Variants in SLC17A1 observed in about 807,000 individuals in gnomAD.
The protein encoded by SLC17A1 is sodium-dependent phosphate transport protein 1.
A neutral mutation model predicts 53.5 loss-of-function variants in SLC17A1; 51 were observed. That is an observed-to-expected ratio of 0.95 (90% confidence interval 0.76 to 1.20). The LOEUF (loss-of-function observed/expected upper bound fraction) is 1.20, where lower values mean the gene tolerates loss of function less well. Among genes scored for constraint, SLC17A1 ranks in the 50% most tolerant of loss-of-function variants. SLC17A1 has a pLI of 0.00. For synonymous variants in SLC17A1, 179 were observed against 198.8 expected, an observed-to-expected ratio of 0.90 and a Z score of 0.84; for missense variants, 538 against 568.2, an observed-to-expected ratio of 0.95 and a Z score of 0.54.
At chr6:25,798,406 AT>A (rs1245444644) in intron 12 of SLC17A1, among the ~76,000 whole-genome samples, 2 of 152,196 alleles carry the variant, frequency 1.3e-5, no homozygotes, top group Non-Finnish European at 2.9e-5. Context: ...CTTAGACCTT[AT>A]ATAATGTAAT....
chr6:25,761,119 G>C, the SLC17A1 span, among the ~76,000 whole-genome samples: 1 of 152,130 alleles, frequency 6.6e-6, no homozygotes, highest in African/African-American at 2.4e-5. Context: ...TGAGTTCTCA[G>C]ACAATGAAGA....
chr6:25,774,447 T>C, the SLC17A1 span, among the ~76,000 whole-genome samples: 1 of 152,182 alleles, frequency 6.6e-6, no homozygotes, highest in African/African-American at 2.4e-5. Flanking sequence ...ATGTGCTAAG[T>C]AGCCAACAGA....
At chr6:25,767,410 C>T in the SLC17A1 span, among the ~76,000 whole-genome samples, 1 of 152,028 alleles carries the variant, frequency 6.6e-6, no homozygotes, top group Non-Finnish European at 1.5e-5. Context: ...CAGTTGTTAT[C>T]ACAGTGCCTT....
At chr6:25,781,423 G>A (rs1283824962), downstream of SLC17A1, among the ~76,000 whole-genome samples, 1 of 152,186 alleles carries the variant, frequency 6.6e-6, no homozygotes, top group African/African-American at 2.4e-5. Context: ...GATGAGAAGT[G>A]AGCAGAAAGT....
the SLC17A1 span, among the ~76,000 whole-genome samples, chr6:25,766,703 GA>G: frequency 6.6e-6 from 1 of 152,246 alleles, no homozygotes; most frequent in Non-Finnish European, 1.5e-5. Flanking sequence ...CTAATCATGA[GA>G]AAAATATCAG....
At chr6:25,778,994 C>T, downstream of SLC17A1, 2 of 1,595,822 alleles carry the variant, frequency 1.3e-6, no homozygotes, top group Non-Finnish European at 1.7e-6. Context: ...CAAAGCCTTT[C>T]TGAACCAAGA....
the SLC17A1 span, among the ~76,000 whole-genome samples, chr6:25,761,081 A>G: frequency 6.6e-6 from 1 of 152,126 alleles, no homozygotes; most frequent in African/African-American, 2.4e-5. Context: ...ACTGGGCTTG[A>G]TTCTTTGGTC....
At chr6:25,745,365 T>C in the SLC17A1 span, among the ~76,000 whole-genome samples, 2 of 152,190 alleles carry the variant, frequency 1.3e-5, no homozygotes, top group African/African-American at 2.4e-5. Context: ...TTTGTGTATG[T>C]ATATGTACGT....
intron 3 of SLC17A1, among the ~76,000 whole-genome samples, chr6:25,821,880 T>G (rs1266802720): frequency 6.6e-6 from 1 of 151,994 alleles, no homozygotes; most frequent in Non-Finnish European, 1.5e-5. Flanking sequence ...TATAAATGAA[T>G]AAGAAATATA....
At chr6:25,806,348 T>C (rs9461215) in intron 10 of SLC17A1, among the ~76,000 whole-genome samples, 42,281 of 151,918 alleles carry the variant, frequency 0.28, 6,377 homozygotes, top group African/African-American at 0.4. Context: ...ATAAATATCC[T>C]TAACAAATTA....
chr6:25,815,606 G>A (rs1764323547), intron 6 of SLC17A1, among the ~76,000 whole-genome samples: 1 of 151,884 alleles, frequency 6.6e-6, no homozygotes, highest in African/African-American at 2.4e-5. Context: ...TTCGCTATAG[G>A]AAAAATTCTC....
At chr6:25,726,462 C>T in the SLC17A1 span, 35 of 1,613,948 alleles carry the variant, frequency 2.2e-5, no homozygotes, top group Admixed American at 3.2e-4. Flanking sequence ...ACTGCAAACC[C>T]GCTCTAGAAG....
the SLC17A1 span, among the ~76,000 whole-genome samples, chr6:25,740,447 A>G: frequency 6.6e-6 from 1 of 152,182 alleles, no homozygotes; most frequent in African/African-American, 2.4e-5. Context: ...TATTTGTTGT[A>G]TTACAACAGT....
At chr6:25,778,112 T>A, downstream of SLC17A1, 2 of 818,898 alleles carry the variant, frequency 2.4e-6, no homozygotes. Context: ...AAGATGCTTT[T>A]AAAGTAGTCA....
chr6:25,819,597 C>T lies in SLC17A1; in HGVS notation c.443G>A (p.Gly148Glu). 1.2e-6 allele frequency: 2 copies of T among 1,613,852 alleles called. No homozygotes were observed. Among genetic ancestry groups the T allele is most frequent in the Non-Finnish European group, 1.7e-6 (2 of 1,179,804 alleles). ...TTCAAACTGGGCTGTTGCAACTATC[C>T]CCTGAAATGAGAAAGGTTTGACATT... is the stretch of plus-strand genomic sequence containing the variant. ...VCRAVQGAAQ[G>E]IVATAQFEIY... Residue 148 changes from glycine to glutamate, a missense_variant and splice_region_variant, in exon 5 of 13, where the codon GGG becomes GAG. Physicochemically the swap from Gly to Glu is moderately conservative, Grantham distance 98 (BLOSUM62 -2). Coordinates refer to ENST00000244527, the MANE Select transcript of SLC17A1 (RefSeq NM_005074.5).
Position 25,798,799 on chromosome 6 carries a change from G to A in SLC17A1, c.1390C>T (p.His464Tyr). ...ACTTCTCACCTTCAGAGACGTGTGTGTTGTTTTTCTTTAGCCCAGTCCTGA... is the reference window on the plus strand; with the variant it reads ...ACTTCTCACCTTCAGAGACGTGTGTATTGTTTTTCTTTAGCCCAGTCCTGA... ...EIQDWAKEKQ[H>Y]TRL The change falls in exon 12 of 13, where the codon CAC becomes TAC. Residue 464 changes from histidine to tyrosine, a missense_variant. Coordinates refer to ENST00000244527, the MANE Select transcript of SLC17A1 (RefSeq NM_005074.5). 1 of 1,608,492 alleles carries A rather than the reference G, an allele frequency of 6.2e-7. No individual in the cohort carries two copies.
the SLC17A1 span, chr6:25,727,025 T>C: frequency 1.1e-5 from 17 of 1,614,104 alleles, no homozygotes; most frequent in African/African-American, 5.3e-5. Flanking sequence ...AGGAGAGTTA[T>C]TCTATTTACA....
chr6:25,771,578 G>GA, the SLC17A1 span, among the ~76,000 whole-genome samples: 8,582 of 148,842 alleles, frequency 0.058, 692 homozygotes, highest in African/African-American at 0.18. Flanking sequence ...TGTCTCAAGA[G>GA]AAAAAAAAAA....
At chr6:25,735,298 A>C in the SLC17A1 span, among the ~76,000 whole-genome samples, 1 of 152,256 alleles carries the variant, frequency 6.6e-6, no homozygotes, top group African/African-American at 2.4e-5. Context: ...GATTAAAGAC[A>C]AATGAAATGG....
Sources: allele counts gnomAD v4.1 joint callset (sites outside exome capture counted in the v4.1 genomes callset), GRCh38; gene constraint gnomAD v4.1.1; transcripts MANE v1.5; gene names NCBI Gene and HGNC (gene_info 2026-07-23, HGNC 2026-07-21).